Variants in RBFOX1 observed in about 807,000 individuals in gnomAD.
The protein encoded by RBFOX1 is RNA binding fox-1 homolog 1.
RBFOX1 carries 8 observed loss-of-function variants against 57.7 expected under a neutral mutation model. The ratio of observed to expected loss-of-function variants is 0.14; its 90% CI spans 0.08 to 0.25. The LOEUF (loss-of-function observed/expected upper bound fraction) is 0.25. RBFOX1 is among the 10% of genes least tolerant of loss of function. RBFOX1 has a pLI of 1.00. For synonymous variants in RBFOX1, 326 were observed against 222.4 expected (o/e 1.47, Z -4.15); for missense variants, 611 against 548.5 (o/e 1.11, Z -1.14).
intron 4 of RBFOX1, among the ~76,000 whole-genome samples, chr16:5,894,533 C>T (rs960222397): frequency 6.6e-6 from 1 of 151,998 alleles, no homozygotes; most frequent in African/African-American, 2.4e-5. Flanking sequence ...CCTTGGCCTC[C>T]CAAAGTGCTG....
chr16:6,702,397 T>TA (rs879502961), intron 3 of RBFOX1, among the ~76,000 whole-genome samples: 2 of 152,040 alleles, frequency 1.3e-5, no homozygotes, highest in Admixed American at 1.3e-4. Context: ...CTACTAAAAA[T>TA]ACAAAAATCT....
intron 4 of RBFOX1, among the ~76,000 whole-genome samples, chr16:7,342,115 A>C (rs2096909495): frequency 6.6e-6 from 1 of 152,164 alleles, no homozygotes; most frequent in Non-Finnish European, 1.5e-5. Context: ...ATTTGAAAAG[A>C]ACAGGATTTA....
chr16:5,920,126 G>C lies in RBFOX1; in HGVS notation c.351+52791G>C, dbSNP rs112959234. ...TTTTTTGCATTTTTTGGTAGAGACG[G>C]GATTTCACCGCGTTAGCCAGGATGG... On this transcript the variant is annotated intron_variant, in intron 4 of 19. Coordinates refer to the RBFOX1 transcript ENST00000641259. 1.5e-3 allele frequency among the ~76,000 whole-genome samples: 223 copies of C among 152,160 alleles called. 2 individuals are homozygous for C. The highest frequency in any genetic ancestry group is 5.0e-3 in the African/African-American group (207 of 41,524).
rs188125798 is a variant in RBFOX1 at position 7,424,216 on chromosome 16, C to G, written c.28-93931C>G. 2.6e-5 allele frequency among the ~76,000 whole-genome samples: 4 copies of G among 151,694 alleles called. No homozygotes were observed. The East Asian group carries it at 5.8e-4, about 22-fold the overall frequency. On this transcript the variant is annotated intron_variant, in intron 4 of 15. Coordinates refer to ENST00000550418, the MANE Select transcript of RBFOX1 (RefSeq NM_018723.4). ...TAAAAGAAGTGCTCAAATAGGGCAG[C>G]CATGAATTTTATTTGTGTAATTTAC...
chr16:7,274,454 C>T (rs2095401647), intron 4 of RBFOX1, among the ~76,000 whole-genome samples: 1 of 152,004 alleles, frequency 6.6e-6, no homozygotes, highest in South Asian at 2.1e-4. Context: ...TTTATGCAAG[C>T]TTAGCAAAGT....
At chr16:7,613,028 G>C (rs1467715374) in intron 10 of RBFOX1, among the ~76,000 whole-genome samples, 1 of 152,182 alleles carries the variant, frequency 6.6e-6, no homozygotes, top group Non-Finnish European at 1.5e-5. Context: ...GTGATCAATA[G>C]GGAAAGGCAA....
At chr16:7,123,362 A>AT (rs2067647492) in intron 4 of RBFOX1, among the ~76,000 whole-genome samples, 1 of 152,098 alleles carries the variant, frequency 6.6e-6, no homozygotes, top group Non-Finnish European at 1.5e-5. Context: ...CATTGTTATT[A>AT]TTATTTATTT....
At chr16:6,024,695 G>A (rs1471371940) in intron 1 of RBFOX1, among the ~76,000 whole-genome samples, 2 of 152,098 alleles carry the variant, frequency 1.3e-5, no homozygotes, top group Admixed American at 1.3e-4. Context: ...CCCCATGACT[G>A]GTCTTAAACG....
At chr16:5,787,945 C>T (rs536719953) in intron 3 of RBFOX1, among the ~76,000 whole-genome samples, 1 of 152,322 alleles carries the variant, frequency 6.6e-6, no homozygotes, top group East Asian at 1.9e-4. Flanking sequence ...AAGAGAGAGG[C>T]AGAGCTGGGC....
intron 3 of RBFOX1, among the ~76,000 whole-genome samples, chr16:7,028,764 TA>T (rs2041779078): frequency 6.6e-6 from 1 of 151,672 alleles, no homozygotes; most frequent in Admixed American, 6.6e-5. Context: ...TGGAGGTTCG[TA>T]ATGTGAGTTT....
At chr16:6,684,858 A>C (rs1458918966) in intron 3 of RBFOX1, among the ~76,000 whole-genome samples, 1 of 152,212 alleles carries the variant, frequency 6.6e-6, no homozygotes, top group Non-Finnish European at 1.5e-5. Context: ...TAGAGTGAGT[A>C]ATCCTTCATG....
chr16:5,708,881 C>G (rs564536574), intron 3 of RBFOX1, among the ~76,000 whole-genome samples: 5 of 152,192 alleles, frequency 3.3e-5, no homozygotes, highest in African/African-American at 9.6e-5. Context: ...TGAGAATAAA[C>G]CCAATTGTCA....
At chr16:7,348,831 C>T (rs1036120556) in intron 4 of RBFOX1, among the ~76,000 whole-genome samples, 1 of 151,976 alleles carries the variant, frequency 6.6e-6, no homozygotes, top group Non-Finnish European at 1.5e-5. Flanking sequence ...AATCCCAGCC[C>T]CTTGGGAGGC....
At chr16:5,989,615 C>A (rs1194594315) in intron 4 of RBFOX1, among the ~76,000 whole-genome samples, 1 of 152,016 alleles carries the variant, frequency 6.6e-6, no homozygotes, top group East Asian at 1.9e-4. Context: ...GGGCAGAAGA[C>A]CTCTGCCATG....
intron 3 of RBFOX1, among the ~76,000 whole-genome samples, chr16:5,689,942 C>A (rs17138389): frequency 3.3e-5 from 5 of 152,090 alleles, no homozygotes; most frequent in Non-Finnish European, 5.9e-5. Flanking sequence ...GACCTGGAGA[C>A]GTAGAGCATG....
chr16:6,501,828 A>T (rs1422385548), intron 2 of RBFOX1, among the ~76,000 whole-genome samples: 2 of 151,608 alleles, frequency 1.3e-5, no homozygotes, highest in Non-Finnish European at 2.9e-5. Context: ...CTGGGGGGAA[A>T]TTCTTCTTGG....
At chr16:7,659,847 G>A (rs2067250179) in intron 12 of RBFOX1, among the ~76,000 whole-genome samples, 1 of 152,044 alleles carries the variant, frequency 6.6e-6, no homozygotes, top group South Asian at 2.1e-4. Context: ...TTTTGGAGGG[G>A]AGAATGTGAA....
At chr16:6,601,360 A>G (rs2097850784) in intron 2 of RBFOX1, among the ~76,000 whole-genome samples, 1 of 152,096 alleles carries the variant, frequency 6.6e-6, no homozygotes, top group Non-Finnish European at 1.5e-5. Flanking sequence ...ACTTGGTTAT[A>G]TTTAATGGAG....
At position 6,322,987 on chromosome 16, in the gene RBFOX1, A is replaced by G. The variant is rs1007059680; in HGVS notation, c.-64+5930A>G. On this transcript the variant is annotated intron_variant, in intron 2 of 15. Coordinates refer to ENST00000550418, the MANE Select transcript of RBFOX1 (RefSeq NM_018723.4). ...TGTTGTTTACATTTCCCCTATGAAT[A>G]TCTCTTACCTCTCCTAAGCTGCTGC... Among the ~76,000 whole-genome samples, 5 of 152,226 alleles carry G rather than the reference A, an allele frequency of 3.3e-5. No homozygotes were observed. The East Asian group carries it at 9.7e-4, about 29-fold the overall frequency.
Sources: gnomAD v4.1 joint callset for allele counts (sites outside exome capture counted in the v4.1 genomes callset) on GRCh38, gnomAD v4.1.1 for gene constraint, MANE v1.5 for transcripts, NCBI Gene and HGNC (gene_info 2026-07-23, HGNC 2026-07-21) for gene names.